Variants in INSR observed in about 807,000 individuals in gnomAD.
INSR encodes insulin receptor.
In INSR, 67 loss-of-function variants were observed where a neutral mutation model predicts 142.6. The observed-to-expected ratio is 0.47, with a 90% CI of 0.39 to 0.58. INSR has a LOEUF of 0.58. Among genes scored for constraint, INSR ranks in the 20% least tolerant of loss-of-function variants. The pLI, the probability that INSR is intolerant of heterozygous loss-of-function variation, is 0.00. For synonymous variants in INSR, 756 were observed against 743.1 expected, an observed-to-expected ratio of 1.02 and a Z score of -0.28; for missense variants, 1,248 against 1,833.2, an observed-to-expected ratio of 0.68 and a Z score of 5.83.
chr19:7,196,781 T>C (rs777214404), intron 2 of INSR, among the ~76,000 whole-genome samples: 10 of 152,008 alleles, frequency 6.6e-5, no homozygotes, highest in Non-Finnish European at 1.3e-4. Flanking sequence ...CTTTCCAAAG[T>C]TTAAAAAAAA....
chr19:7,119,469 G>T lies in INSR; in HGVS notation c.3774C>A (p.Pro1258=). ...FVMDGGYLDQ[P]DNCPERVTDL... ...CTTACACTCTCTCTGGACAGTTGTC[G>T]GGTTGATCCAGATACCCTCCATCCA... The change falls in exon 21 of 22, where the codon CCC becomes CCA. Residue 1258 remains proline (P), a synonymous_variant. Transcript: ENST00000302850. This position sits in a 1 kb window ranked among gnomAD's most constrained non-coding sequence, Gnocchi z 5.2. 6.2e-7 allele frequency: 1 copy of T among 1,614,104 alleles called. No individual in the cohort carries two copies. Among genetic ancestry groups the T allele is most frequent in the African/African-American group, 1.3e-5 (1 of 75,004 alleles).
At chr19:7,291,274 T>C (rs1968487999) in intron 1 of INSR, among the ~76,000 whole-genome samples, 1 of 152,194 alleles carries the variant, frequency 6.6e-6, no homozygotes, top group Non-Finnish European at 1.5e-5. Context: ...CCACACTAGC[T>C]AGATTGCAAT....
rs57665258 is a variant in INSR at position 7,136,828 on chromosome 19, C to CATATATATATATATATATATATATAT, written c.2683-4512_2683-4511insATATATATATATATATATATATATAT. ...ATGTAAAACTTTATTTATTTATTTA[C>CATATATATATATATATATATATATAT]ATATATATATATATATATATTGAGA... On this transcript the variant is annotated intron_variant, in intron 13 of 21. Coordinates refer to ENST00000302850, the MANE Select transcript of INSR (RefSeq NM_000208.4). 8.7e-4 allele frequency among the ~76,000 whole-genome samples: 121 copies of CATATATATATATATATATATATATAT among 139,780 alleles called. 3 individuals are homozygous for CATATATATATATATATATATATATAT. Among genetic ancestry groups the CATATATATATATATATATATATATAT allele is most frequent in the African/African-American group, 2.9e-3 (100 of 34,562 alleles). The allele number at this position is 139,780 out of a possible 152,430, so 91.7% of individuals were successfully genotyped here. A position where few individuals can be genotyped will look rare whatever the true frequency, so the allele number is the denominator to read the frequency against.
At position 7,279,240 on chromosome 19, in the gene INSR, A is replaced by G. The variant is rs142593460; in HGVS notation, c.101-11344T>C. Among the ~76,000 whole-genome samples, 656 of 152,142 alleles carry G rather than the reference A, an allele frequency of 4.3e-3. 3 individuals are homozygous for G. Among genetic ancestry groups the G allele is most frequent in the South Asian group, 0.017 (84 of 4,820 alleles). ...TTGGGGAGGCTGACGCAGGAGGATC[A>G]CTTAAGTCCAGAAGTCTGAGACCAA... On this transcript the variant is annotated intron_variant, in intron 1 of 21. Coordinates refer to ENST00000302850, the MANE Select transcript of INSR (RefSeq NM_000208.4).
In INSR at chr19:7,132,424, C is replaced by T. The variant is rs368093590; in HGVS notation, c.2683-107G>A. Reference sequence around the variant, plus strand: ...CCAGGATCCTGCTCAGAAATGACGCCAAGGCAGCAAAGCACAGACTAAGAC... The same window carrying T: ...CCAGGATCCTGCTCAGAAATGACGCTAAGGCAGCAAAGCACAGACTAAGAC... On this transcript the variant is annotated intron_variant, in intron 13 of 21. Coordinates refer to ENST00000302850, the MANE Select transcript of INSR (RefSeq NM_000208.4). 121 of 1,276,120 alleles carry T rather than the reference C, an allele frequency of 9.5e-5. No homozygotes were observed. In the East Asian group the frequency reaches 2.2e-3, roughly 23 times the overall value. 79.0% of individuals were successfully genotyped at this position (1,276,120 alleles called of 1,614,324 possible).
At chr19:7,237,015 A>G (rs1976178350) in intron 2 of INSR, among the ~76,000 whole-genome samples, 1 of 145,690 alleles carries the variant, frequency 6.9e-6, no homozygotes, top group African/African-American at 2.6e-5. Flanking sequence ...TGACAGCGTG[A>G]GACTCTGTCT....
chr19:7,251,676 C>G (rs962136304), intron 2 of INSR, among the ~76,000 whole-genome samples: 1 of 151,966 alleles, frequency 6.6e-6, no homozygotes, highest in African/African-American at 2.4e-5. Context: ...ACAGTGACTA[C>G]TCTGGGGGAA....
intron 11 of INSR, among the ~76,000 whole-genome samples, chr19:7,148,391 A>C (rs1382592989): frequency 6.6e-6 from 1 of 151,520 alleles, no homozygotes; most frequent in Non-Finnish European, 1.5e-5. Flanking sequence ...GAAGCCAGGG[A>C]TGCTTCTCAG....
chr19:7,262,084 G>C (rs184544858), intron 2 of INSR, among the ~76,000 whole-genome samples: 3 of 152,328 alleles, frequency 2.0e-5, no homozygotes, highest in African/African-American at 7.2e-5. Context: ...TTGATGGATA[G>C]TTTTCTCCAG....
At chr19:7,249,816 C>T (rs531096312) in intron 2 of INSR, among the ~76,000 whole-genome samples, 6 of 152,128 alleles carry the variant, frequency 3.9e-5, no homozygotes, top group Non-Finnish European at 7.4e-5. Context: ...CAGGGTGAAA[C>T]CCCGTCTCTA....
intron 3 of INSR, among the ~76,000 whole-genome samples, chr19:7,183,985 G>A (rs778922598): frequency 1.2e-4 from 18 of 150,244 alleles, no homozygotes; most frequent in Non-Finnish European, 1.9e-4. Context: ...CTTGAACCCA[G>A]GAGGCAGAGG....
In INSR at chr19:7,271,038, G is replaced by A. The variant is rs569279236; in HGVS notation, c.101-3142C>T. ...GATCACACCACTGCACTCCAGCCTG[G>A]GCGATGGAGCAAGACTCTGTCTCAA... is the stretch of plus-strand genomic sequence containing the variant. On this transcript the variant is annotated intron_variant, in intron 1 of 21. Transcript: ENST00000302850. Among the ~76,000 whole-genome samples, 379 of 152,088 alleles carry A rather than the reference G, an allele frequency of 2.5e-3. 2 individuals carry two copies. The highest frequency in any genetic ancestry group is 8.7e-3 in the African/African-American group (359 of 41,480).
At position 7,273,471 on chromosome 19, in the gene INSR, A is replaced by G. The variant is rs117273010; in HGVS notation, c.101-5575T>C. On this transcript the variant is annotated intron_variant, in intron 1 of 21. Coordinates refer to ENST00000302850, the MANE Select transcript of INSR (RefSeq NM_000208.4). Reference sequence around the variant, plus strand: ...CTCTTTGTACAGGTAGAAAAAGGCAATGAGGAAGAGGGTGCTAAGTGACAG... The same window carrying G: ...CTCTTTGTACAGGTAGAAAAAGGCAGTGAGGAAGAGGGTGCTAAGTGACAG... 1.3e-3 allele frequency among the ~76,000 whole-genome samples: 201 copies of G among 151,934 alleles called. 1 individual carries two copies. Among genetic ancestry groups the G allele is most frequent in the Non-Finnish European group, 1.6e-3 (110 of 67,978 alleles).
chr19:7,210,486 T>C (rs933224830), intron 2 of INSR, among the ~76,000 whole-genome samples: 1 of 151,938 alleles, frequency 6.6e-6, no homozygotes, highest in Non-Finnish European at 1.5e-5. Flanking sequence ...GGAGTCTCAG[T>C]GTTTGGCATC....
At chr19:7,253,270 CTT>C (rs922687446) in intron 2 of INSR, among the ~76,000 whole-genome samples, 1 of 151,718 alleles carries the variant, frequency 6.6e-6, no homozygotes, top group Non-Finnish European at 1.5e-5. Context: ...CGAGGTTTTG[CTT>C]TTGTCACCCA....
intron 9 of INSR, among the ~76,000 whole-genome samples, chr19:7,156,782 C>CTTTTTT (rs746400499): frequency 2.1e-4 from 13 of 63,216 alleles, no homozygotes; most frequent in African/African-American, 5.4e-4. Flanking sequence ...CTATTTCTCT[C>CTTTTTT]TTTTTTTTTT....
intron 2 of INSR, among the ~76,000 whole-genome samples, chr19:7,247,811 C>T: frequency 6.6e-6 from 1 of 152,144 alleles, no homozygotes; most frequent in South Asian, 2.1e-4. Flanking sequence ...GCAGAGGTAC[C>T]CAATACAAGT....
chr19:7,117,008 G>T lies in INSR; in HGVS notation c.*48C>A. 1 of 1,445,288 alleles carries T rather than the reference G, an allele frequency of 6.9e-7. No individual in the cohort carries two copies. The highest frequency in any genetic ancestry group is 9.7e-7 in the Non-Finnish European group (1 of 1,026,138). 89.5% of individuals were successfully genotyped at this position (1,445,288 alleles called of 1,614,324 possible). ...TTTTCCAGAGGCTTTCAAACCAGAG[G>T]AAAGCGAAAATGGGAACCCCTGCCC... On this transcript the variant is annotated 3_prime_UTR_variant, in exon 22 of 22. Transcript: ENST00000302850.
rs975486648 is a variant in INSR, at chr19:7,141,268, T to C, written c.2682+409A>G. 1.3e-5 allele frequency among the ~76,000 whole-genome samples: 2 copies of C among 152,166 alleles called. 1 individual carries two copies. The highest frequency in any genetic ancestry group is 1.3e-4 in the Admixed American group (2 of 15,262). ...TGGGGTTTCACCATGTTGGCCAGGCTGGTCTCAAACTCCTGGCCTCAAGTG... is the reference window on the plus strand; with the variant it reads ...TGGGGTTTCACCATGTTGGCCAGGCCGGTCTCAAACTCCTGGCCTCAAGTG... On this transcript the variant is annotated intron_variant, in intron 13 of 21. Coordinates refer to ENST00000302850, the MANE Select transcript of INSR (RefSeq NM_000208.4).
Sources: gnomAD v4.1 joint callset for allele counts (sites outside exome capture counted in the v4.1 genomes callset) on GRCh38, gnomAD v4.1.1 for gene constraint, Gnocchi (gnomAD v3.1) non-coding constraint, MANE v1.5 for transcripts, NCBI Gene and HGNC (gene_info 2026-07-23, HGNC 2026-07-21) for gene names.